TBX20: variants seen among roughly 807,000 people sequenced by gnomAD.
TBX20 encodes T-box transcription factor TBX20.
In TBX20, 8 loss-of-function variants were observed where a neutral mutation model predicts 42.9. The ratio of observed to expected loss-of-function variants is 0.19; its 90% CI spans 0.11 to 0.34. The LOEUF is 0.34. Ranked by LOEUF, TBX20 falls within the 10% of genes least tolerant of loss-of-function variation. The pLI is 1.00. For missense variants in TBX20, 411 were observed against 566.0 expected, an observed-to-expected ratio of 0.73 and a Z score of 2.78; for synonymous variants, 198 against 222.8, an observed-to-expected ratio of 0.89 and a Z score of 0.99.
At chr7:35,232,791 G>A (rs1156242296) in intron 5 of TBX20, among the ~76,000 whole-genome samples, 2 of 152,174 alleles carry the variant, frequency 1.3e-5, no homozygotes, top group Non-Finnish European at 2.9e-5. Flanking sequence ...TTGGGAGACC[G>A]AGGTGGGCAG....
intron 6 of TBX20, among the ~76,000 whole-genome samples, chr7:35,223,237 G>A (rs1239691052): frequency 1.3e-5 from 2 of 152,252 alleles, no homozygotes; most frequent in East Asian, 1.9e-4. Context: ...TAAGGGAAGA[G>A]TAGGTGTGGA....
At chr7:35,208,634 C>A (rs538141115) in intron 6 of TBX20, among the ~76,000 whole-genome samples, 5 of 151,562 alleles carry the variant, frequency 3.3e-5, no homozygotes, top group Non-Finnish European at 5.9e-5. Context: ...CCCCGCTACT[C>A]GGGATGCTGA....
intron 1 of TBX20, among the ~76,000 whole-genome samples, chr7:35,252,513 C>T (rs910836107): frequency 1.3e-5 from 2 of 151,718 alleles, no homozygotes; most frequent in Non-Finnish European, 2.9e-5. Flanking sequence ...CTAACACTTC[C>T]TTTTTTTCAT....
chr7:35,203,581 G>A (rs1789343556), intron 7 of TBX20, among the ~76,000 whole-genome samples: 3 of 152,154 alleles, frequency 2.0e-5, no homozygotes, highest in African/African-American at 7.2e-5. Flanking sequence ...TGTAATACAT[G>A]TAACATACAG....
intron 6 of TBX20, among the ~76,000 whole-genome samples, chr7:35,215,434 A>G (rs1360811464): frequency 6.6e-6 from 1 of 152,186 alleles, no homozygotes; most frequent in Non-Finnish European, 1.5e-5. Context: ...TTTAGCCTGG[A>G]AGCCCACTGT....
intron 1 of TBX20, among the ~76,000 whole-genome samples, chr7:35,252,434 C>A (rs972003543): frequency 6.7e-6 from 1 of 150,212 alleles, no homozygotes; most frequent in Non-Finnish European, 1.5e-5. Flanking sequence ...TTTCTTTTTC[C>A]TTGGTTTCAA....
At chr7:35,203,495 A>G (rs1584337283) in intron 7 of TBX20, among the ~76,000 whole-genome samples, 1 of 151,922 alleles carries the variant, frequency 6.6e-6, no homozygotes, top group East Asian at 1.9e-4. Flanking sequence ...ACTTCCACTT[A>G]AGGAATAGTA....
chr7:35,243,899 G>A (rs1052986613), intron 4 of TBX20, among the ~76,000 whole-genome samples: 15 of 152,158 alleles, frequency 9.9e-5, no homozygotes, highest in African/African-American at 3.6e-4. Context: ...TAGTGCTAGC[G>A]CCTAAAGTGA....
chr7:35,245,206 CA>C (rs1790158562), intron 3 of TBX20, 149 bp from the exon 4 acceptor site: 2 of 618,624 alleles, frequency 3.2e-6, no homozygotes, highest in Non-Finnish European at 5.8e-6. Context: ...ATTACTATTG[CA>C]ATGTCAAAAC....
At chr7:35,205,860 T>C (rs1299783986) in intron 6 of TBX20, among the ~76,000 whole-genome samples, 1 of 152,196 alleles carries the variant, frequency 6.6e-6, no homozygotes, top group Non-Finnish European at 1.5e-5. Flanking sequence ...ATAGTCAAAA[T>C]AATTAGGATC....
intron 3 of TBX20, among the ~76,000 whole-genome samples, chr7:35,246,393 T>C (rs1790186605): frequency 6.6e-6 from 1 of 152,122 alleles, no homozygotes; most frequent in South Asian, 2.1e-4. Context: ...GGTGCAATTG[T>C]TTTACTGATC....
At chr7:35,224,362 A>G (rs749703894) in intron 6 of TBX20, among the ~76,000 whole-genome samples, 5 of 152,232 alleles carry the variant, frequency 3.3e-5, no homozygotes, top group African/African-American at 4.8e-5. Flanking sequence ...CAGTAATTTA[A>G]GAAAAACAAA....
intron 6 of TBX20, among the ~76,000 whole-genome samples, chr7:35,222,487 A>G (rs961199514): frequency 1.3e-5 from 2 of 152,190 alleles, no homozygotes; most frequent in African/African-American, 2.4e-5. Flanking sequence ...GTTGAAAAAT[A>G]AAGACCCTTA....
At chr7:35,222,678 G>A (rs1194483807) in intron 6 of TBX20, among the ~76,000 whole-genome samples, 3 of 152,128 alleles carry the variant, frequency 2.0e-5, no homozygotes, top group Non-Finnish European at 4.4e-5. Flanking sequence ...AATCCAGCAG[G>A]AAGGTTAAAG....
rs187839057 is a variant in TBX20, at chr7:35,223,615, A to G, written c.890+7889T>C. Among the ~76,000 whole-genome samples the G allele has an allele frequency of 2.5e-4, 38 of 152,288 alleles. No homozygotes were observed. The East Asian group carries it at 3.7e-3, about 15-fold the overall frequency. On this transcript the variant is annotated intron_variant, in intron 6 of 7. Transcript: ENST00000408931. Reference sequence around the variant, plus strand: ...GAAAGGAAAGAGGGCAGAATGAATGACTGTGCCAAGGGCTGCTGACAGGCC... The same window carrying G: ...GAAAGGAAAGAGGGCAGAATGAATGGCTGTGCCAAGGGCTGCTGACAGGCC...
chr7:35,214,208 G>T (rs929339897), intron 6 of TBX20, among the ~76,000 whole-genome samples: 1 of 152,078 alleles, frequency 6.6e-6, no homozygotes, highest in African/African-American at 2.4e-5. Context: ...TATTCTGCCT[G>T]TCTGTATAAT....
intron 6 of TBX20, among the ~76,000 whole-genome samples, chr7:35,228,491 T>C (rs1425034836): frequency 6.6e-6 from 1 of 152,150 alleles, no homozygotes; most frequent in Non-Finnish European, 1.5e-5. Context: ...TTTTCTTACT[T>C]GTCCGTATTT....
chr7:35,231,702 A>T, intron 5 of TBX20, 122 bp from the exon 6 acceptor site: 4 of 735,794 alleles, frequency 5.4e-6, no homozygotes, highest in South Asian at 4.5e-5. Context: ...TGTCCTGAGA[A>T]GGGTGGAAAA....
At chr7:35,224,658 G>A (rs550950268) in intron 6 of TBX20, among the ~76,000 whole-genome samples, 2 of 110,000 alleles carry the variant, frequency 1.8e-5, no homozygotes, top group South Asian at 7.4e-4. Context: ...GGCCATAAGA[G>A]CGAAACTCTG....
Sources: allele counts gnomAD v4.1 joint callset (sites outside exome capture counted in the v4.1 genomes callset), GRCh38; gene constraint gnomAD v4.1.1; transcripts MANE v1.5; gene names NCBI Gene and HGNC (gene_info 2026-07-23, HGNC 2026-07-21).